RFX7: variants seen among roughly 807,000 people sequenced by gnomAD.
RFX7 encodes regulatory factor X7, also known as DNA-binding protein RFX7.
In RFX7, 26 loss-of-function variants were observed where a neutral mutation model predicts 111.8. That is an observed-to-expected ratio of 0.23 (90% CI 0.17 to 0.32). The LOEUF (loss-of-function observed/expected upper bound fraction) is 0.32, where lower values mean the gene tolerates loss of function less well. RFX7 is among the 10% of genes least tolerant of loss of function. The probability of loss-of-function intolerance (pLI) is 1.00; values close to 1 mark genes in which losing one functional copy is unlikely to be tolerated. For synonymous variants in RFX7, 624 were observed against 624.4 expected (o/e 1.00, Z 0.01); for missense variants, 1,573 against 1,772.9 (o/e 0.89, Z 2.02).
chr15:56,194,505 T>C (rs550806627), intron 2 of RFX7, among the ~76,000 whole-genome samples: 70 of 152,288 alleles, frequency 4.6e-4, no homozygotes, highest in Non-Finnish European at 7.5e-4. Context: ...CTTTTGTAGG[T>C]TGTGACTTGG....
At chr15:56,150,156 C>T (rs751146945) in intron 3 of RFX7, among the ~76,000 whole-genome samples, 7 of 152,264 alleles carry the variant, frequency 4.6e-5, no homozygotes, top group African/African-American at 1.4e-4. Context: ...AGCAAGGCTG[C>T]GGTGGCCAGA....
intron 2 of RFX7, among the ~76,000 whole-genome samples, chr15:56,205,842 C>A (rs2043245358): frequency 6.6e-6 from 1 of 152,092 alleles, no homozygotes; most frequent in Non-Finnish European, 1.5e-5. Context: ...GGTGCTAAAG[C>A]AATCAGACAC....
intron 5 of RFX7, among the ~76,000 whole-genome samples, chr15:56,123,922 G>A (rs143770297): frequency 6.6e-6 from 1 of 152,314 alleles, no homozygotes; most frequent in Non-Finnish European, 1.5e-5. Context: ...GGGAGATGGG[G>A]GAGAGGTGGT....
At chr15:56,203,745 C>A (rs1230885331) in intron 2 of RFX7, among the ~76,000 whole-genome samples, 1 of 152,136 alleles carries the variant, frequency 6.6e-6, no homozygotes, top group African/African-American at 2.4e-5. Context: ...ACAAATGCCA[C>A]GGCAATGTCA....
Position 56,098,187 on chromosome 15 carries a change from T to C in RFX7, c.1001A>G (p.Glu334Gly). Residue 334 changes from glutamate (E) to glycine (G), a missense_variant, in exon 9 of 10, where the codon GAA becomes GGA. Transcript: ENST00000559447. ...LPGESAAKKSESATSNGVTNL... is the reference protein window; with the variant it reads ...LPGESAAKKSGSATSNGVTNL... ...AGTCACTCCATTGCTTGTAGCACTT[T>C]CTGACTTTTTTGCTGCAGATTCTCC... 1 of 1,613,990 alleles carries C rather than the reference T, an allele frequency of 6.2e-7. No homozygotes were observed. The highest frequency in any genetic ancestry group is 8.5e-7 in the Non-Finnish European group (1 of 1,179,852).
intron 4 of RFX7, among the ~76,000 whole-genome samples, chr15:56,143,729 A>AG (rs1479035301): frequency 2.0e-5 from 3 of 152,156 alleles, no homozygotes. Flanking sequence ...AGTTGGTCTG[A>AG]GGGAAAAAAA....
intron 5 of RFX7, among the ~76,000 whole-genome samples, chr15:56,140,138 C>A (rs1297005194): frequency 3.9e-5 from 6 of 152,222 alleles, no homozygotes; most frequent in Admixed American, 2.0e-4. Flanking sequence ...CTGTGGTGGG[C>A]TCCGCCCAGT....
chr15:56,238,221 G>A (rs1330584994), intron 2 of RFX7, among the ~76,000 whole-genome samples: 2 of 152,126 alleles, frequency 1.3e-5, no homozygotes, highest in East Asian at 1.9e-4. Context: ...GCATCACTAT[G>A]TAAACCTTCT....
At chr15:56,191,509 T>G (rs1022609310) in intron 2 of RFX7, among the ~76,000 whole-genome samples, 12 of 152,320 alleles carry the variant, frequency 7.9e-5, no homozygotes, top group Non-Finnish European at 1.5e-4. Context: ...GCCTGCACTT[T>G]ATAAAAGCAG....
chr15:56,162,930 TTC>T (rs1402185914), intron 3 of RFX7, among the ~76,000 whole-genome samples: 1 of 152,132 alleles, frequency 6.6e-6, no homozygotes. Flanking sequence ...AAAAATAAGA[TTC>T]TGAGATAAAT....
chr15:56,103,820 T>A (rs574222339), intron 5 of RFX7, 150 bp from the exon 6 acceptor site: 1 of 590,540 alleles, frequency 1.7e-6, no homozygotes, highest in Admixed American at 3.2e-5. Context: ...CACTCTTTGG[T>A]GATGCATGTT....
At position 56,190,814 on chromosome 15, in the gene RFX7, G is replaced by GA. The variant is rs772438295; in HGVS notation, c.162-11512dup. Among the ~76,000 whole-genome samples, 27 of 151,720 alleles carry GA rather than the reference G, an allele frequency of 1.8e-4. 1 individual carries two copies. Among genetic ancestry groups the GA allele is most frequent in the African/African-American group, 6.1e-4 (25 of 41,316 alleles). ...AAAAACTCTCTAATATGAAAGACAG[G>GA]AAAAAAGGGGGTGAAACCCTTACTT... On this transcript the variant is annotated intron_variant, in intron 2 of 9. Coordinates refer to ENST00000559447, the MANE Select transcript of RFX7 (RefSeq NM_022841.7).
chr15:56,215,429 T>G (rs1226357319), intron 2 of RFX7, among the ~76,000 whole-genome samples: 1 of 152,218 alleles, frequency 6.6e-6, no homozygotes, highest in Non-Finnish European at 1.5e-5. Context: ...TGTTATTTAT[T>G]TTCCTGCATC....
At chr15:56,220,950 G>C (rs2043420873) in intron 2 of RFX7, among the ~76,000 whole-genome samples, 1 of 152,162 alleles carries the variant, frequency 6.6e-6, no homozygotes, top group Non-Finnish European at 1.5e-5. Flanking sequence ...TTTTCCCATT[G>C]CTTGTTTTTG....
intron 5 of RFX7, among the ~76,000 whole-genome samples, chr15:56,120,695 T>C (rs1384238056): frequency 1.3e-5 from 2 of 152,222 alleles, no homozygotes; most frequent in Non-Finnish European, 2.9e-5. Context: ...GTTTTTATCA[T>C]GAAGAGATGT....
At chr15:56,154,468 A>G (rs2042621180) in intron 3 of RFX7, among the ~76,000 whole-genome samples, 1 of 152,242 alleles carries the variant, frequency 6.6e-6, no homozygotes, top group African/African-American at 2.4e-5. Flanking sequence ...GCCCTCAGAA[A>G]TAACTCCGCA....
intron 5 of RFX7, among the ~76,000 whole-genome samples, chr15:56,119,860 T>C (rs1409250093): frequency 6.6e-6 from 1 of 152,088 alleles, no homozygotes; most frequent in Admixed American, 6.6e-5. Flanking sequence ...TTCTGTTCTT[T>C]TGGTCTATGT....
chr15:56,137,668 G>A (rs2042324521), intron 5 of RFX7, among the ~76,000 whole-genome samples: 1 of 151,296 alleles, frequency 6.6e-6, no homozygotes, highest in Non-Finnish European at 1.5e-5. Flanking sequence ...TTTTGAATGT[G>A]TTTGCTCTTG....
At chr15:56,211,480 G>T (rs914077974) in intron 2 of RFX7, among the ~76,000 whole-genome samples, 2 of 152,060 alleles carry the variant, frequency 1.3e-5, no homozygotes, top group Non-Finnish European at 1.5e-5. Flanking sequence ...AAAACTAGAT[G>T]ACCTTGTGTT....
Sources: gnomAD v4.1 joint callset for allele counts (sites outside exome capture counted in the v4.1 genomes callset) on GRCh38, gnomAD v4.1.1 for gene constraint, MANE v1.5 for transcripts, NCBI Gene and HGNC (gene_info 2026-07-23, HGNC 2026-07-21) for gene names.